CFH: variants seen among roughly 807,000 people sequenced by gnomAD.
CFH encodes H factor 1 (complement).
In CFH, 53 loss-of-function variants were observed where a neutral mutation model predicts 147.3. That is an observed-to-expected ratio of 0.36 (90% CI 0.29 to 0.45). CFH has a LOEUF of 0.45. CFH is among the 20% of genes least tolerant of loss of function. The pLI is 1.00. For synonymous variants in CFH, 536 were observed against 489.4 expected, an observed-to-expected ratio of 1.10 and a Z score of -1.26; for missense variants, 1,380 against 1,498.0, an observed-to-expected ratio of 0.92 and a Z score of 1.30.
intron 1 of CFH, among the ~76,000 whole-genome samples, chr1:196,658,633 G>A (rs1418438721): frequency 6.6e-6 from 1 of 151,796 alleles, no homozygotes; most frequent in Admixed American, 6.6e-5. Context: ...TAGTCAGGAT[G>A]GTCTGGATCT....
At chr1:196,708,805 A>G (rs1440724697) in intron 9 of CFH, among the ~76,000 whole-genome samples, 2 of 152,054 alleles carry the variant, frequency 1.3e-5, no homozygotes, top group African/African-American at 2.4e-5. Flanking sequence ...TATTCTGCCC[A>G]TTTTCCCACC....
intron 1 of CFH, among the ~76,000 whole-genome samples, chr1:196,670,154 T>C (rs1056068577): frequency 6.6e-6 from 1 of 152,214 alleles, no homozygotes; most frequent in African/African-American, 2.4e-5. Flanking sequence ...GTATTCCCAT[T>C]GTATCTTGAA....
At chr1:196,714,202 A>G (rs958077128) in intron 10 of CFH, among the ~76,000 whole-genome samples, 1 of 151,968 alleles carries the variant, frequency 6.6e-6, no homozygotes, top group African/African-American at 2.4e-5. Context: ...TTTAGCTGAG[A>G]CCTTTATGAC....
intron 9 of CFH, among the ~76,000 whole-genome samples, chr1:196,711,768 T>A (rs999362487): frequency 6.6e-6 from 1 of 152,092 alleles, no homozygotes; most frequent in Non-Finnish European, 1.5e-5. Flanking sequence ...CTGTGTTGTG[T>A]GTGTGCTCTG....
intron 15 of CFH, among the ~76,000 whole-genome samples, chr1:196,732,573 A>G (rs183145033): frequency 1.4e-4 from 21 of 152,168 alleles, no homozygotes; most frequent in Non-Finnish European, 2.8e-4. Context: ...AATAGATAAG[A>G]CAATGGCCTT....
chr1:196,692,893 C>T (rs12136675), intron 9 of CFH, among the ~76,000 whole-genome samples: 16,090 of 74,192 alleles, frequency 0.22, 3,090 homozygotes, highest in East Asian at 0.31. Flanking sequence ...CTCCCTCCCT[C>T]CCTCCCTCCC....
chr1:196,717,699 AAG>A (rs1359672530), intron 11 of CFH, among the ~76,000 whole-genome samples: 1 of 152,106 alleles, frequency 6.6e-6, no homozygotes, highest in Non-Finnish European at 1.5e-5. Flanking sequence ...TAAAAGAAAA[AAG>A]ATGGAAGACA....
intron 16 of CFH, 38 bp downstream of exon 16, chr1:196,737,044 A>G (rs746748525): frequency 6.5e-7 from 1 of 1,527,206 alleles, no homozygotes; most frequent in East Asian, 2.3e-5. Flanking sequence ...AATTCTTTCA[A>G]ATGAGGTTAA....
chr1:196,672,837 G>A (rs537084841), intron 1 of CFH, 141 bp from the exon 2 acceptor site: 1 of 641,556 alleles, frequency 1.6e-6, no homozygotes, highest in African/African-American at 1.9e-5. Context: ...CATAGATATG[G>A]GGTTAGGAGA....
intron 7 of CFH, 54 bp downstream of exon 7, chr1:196,685,291 C>T: frequency 6.4e-7 from 1 of 1,571,424 alleles, no homozygotes. Flanking sequence ...TTCTTTTAAA[C>T]ACATAAAAAA....
chr1:196,738,418 G>A (rs946425471), intron 17 of CFH, among the ~76,000 whole-genome samples: 5 of 152,158 alleles, frequency 3.3e-5, no homozygotes, highest in African/African-American at 9.7e-5. Context: ...CTGCTTATGA[G>A]CCTGTAAAAT....
At chr1:196,745,729 T>C in intron 20 of CFH, 88 bp from the exon 21 acceptor site, 6 of 1,551,736 alleles carry the variant, frequency 3.9e-6, no homozygotes, top group South Asian at 2.2e-5. Flanking sequence ...TGATATTATA[T>C]ACAGTGCTGT....
At chr1:196,681,631 C>G (rs1355292683) in intron 6 of CFH, among the ~76,000 whole-genome samples, 1 of 151,538 alleles carries the variant, frequency 6.6e-6, no homozygotes, top group African/African-American at 2.4e-5. Flanking sequence ...AAAGAGATAC[C>G]AAGAGAAGGC....
At chr1:196,739,191 G>A (rs1314954581) in intron 17 of CFH, among the ~76,000 whole-genome samples, 1 of 152,206 alleles carries the variant, frequency 6.6e-6, no homozygotes, top group South Asian at 2.1e-4. Flanking sequence ...CTGGGCCTGT[G>A]ATGGGTGGGG....
In CFH at chr1:196,677,487, T is replaced by C; in HGVS notation, c.439T>C (p.Leu147=). The C allele has an allele frequency of 6.2e-7, 1 of 1,613,044 alleles. No homozygotes were observed. The highest frequency in any genetic ancestry group is 8.5e-7 in the Non-Finnish European group (1 of 1,179,262). The change falls in exon 5 of 22, where the codon TTA becomes CTA. Residue 147 remains leucine (L), a synonymous_variant. Transcript: ENST00000367429. The stretch of plus-strand genomic sequence containing the variant: ...TGTATTTTCTTCAGTTGTGAAGTGT[T>C]TACCAGTGACAGCACCAGAGAATGG... ...DIPICEVVKC[L]PVTAPENGKI...
At chr1:196,663,786 A>T (rs1186335399) in intron 1 of CFH, among the ~76,000 whole-genome samples, 1 of 152,166 alleles carries the variant, frequency 6.6e-6, no homozygotes, top group Non-Finnish European at 1.5e-5. Flanking sequence ...CTGTAAGAAG[A>T]GTGTGGTTTA....
At chr1:196,714,660 T>G (rs1391988407) in intron 10 of CFH, among the ~76,000 whole-genome samples, 846 of 43,116 alleles carry the variant, frequency 0.02, 5 homozygotes, top group African/African-American at 0.038. Flanking sequence ...TATATATATA[T>G]ATATATATAG....
At chr1:196,674,313 A>G (rs1346687267) in intron 3 of CFH, among the ~76,000 whole-genome samples, 1 of 152,202 alleles carries the variant, frequency 6.6e-6, no homozygotes, top group African/African-American at 2.4e-5. Flanking sequence ...ATTGTAACCA[A>G]TTTATATTGT....
chr1:196,663,915 G>A (rs1265528007), intron 1 of CFH, among the ~76,000 whole-genome samples: 2 of 152,150 alleles, frequency 1.3e-5, no homozygotes, highest in African/African-American at 4.8e-5. Flanking sequence ...AATGGTGAAT[G>A]CCCACAGTGC....
Sources: gnomAD v4.1 joint callset for allele counts (sites outside exome capture counted in the v4.1 genomes callset) on GRCh38, gnomAD v4.1.1 for gene constraint, MANE v1.5 for transcripts, NCBI Gene and HGNC (gene_info 2026-07-23, HGNC 2026-07-21) for gene names.